ERO1A: variants seen among roughly 807,000 people sequenced by gnomAD.
The protein encoded by ERO1A is ERO1-like protein alpha.
Under a neutral mutation model 76.9 loss-of-function variants are expected in ERO1A, and 49 were observed. The ratio of observed to expected loss-of-function variants is 0.64; its 90% CI spans 0.51 to 0.81. ERO1A has a LOEUF of 0.81. ERO1A is among the 30% of genes least tolerant of loss of function. The pLI is 0.00. For missense variants in ERO1A, 448 were observed against 542.1 expected, an observed-to-expected ratio of 0.83 and a Z score of 1.72; for synonymous variants, 174 against 181.2, an observed-to-expected ratio of 0.96 and a Z score of 0.32.
intron 5 of ERO1A, 30 bp from the exon 6 acceptor site, chr14:52,671,733 T>C: frequency 6.3e-7 from 1 of 1,579,394 alleles, no homozygotes; most frequent in Non-Finnish European, 8.6e-7. Context: ...ATAACATTAT[T>C]ATTTTTAAGT....
At chr14:52,688,247 GCTTT>G (rs1352233115) in intron 1 of ERO1A, among the ~76,000 whole-genome samples, 1 of 152,032 alleles carries the variant, frequency 6.6e-6, no homozygotes, top group Non-Finnish European at 1.5e-5. Flanking sequence ...GCCTTGGAAG[GCTTT>G]CTATTACAAT....
chr14:52,650,781 G>A (rs1027181010), intron 13 of ERO1A, among the ~76,000 whole-genome samples: 1 of 152,182 alleles, frequency 6.6e-6, no homozygotes, highest in African/African-American at 2.4e-5. Flanking sequence ...CATAATGAGT[G>A]TGTAATAAAT....
chr14:52,662,480 T>G (rs1360266578), intron 8 of ERO1A, among the ~76,000 whole-genome samples: 2 of 152,190 alleles, frequency 1.3e-5, no homozygotes, highest in Non-Finnish European at 2.9e-5. Flanking sequence ...TTCAAATAAA[T>G]TTTTAAAATG....
chr14:52,652,266 C>T lies in ERO1A; in HGVS notation c.1098G>A (p.Gly366=). The part of the protein sequence containing the change: ...LHFDENSFFA[G]DKKEAHKLKE... ...TTAGTTTGTGTGCTTCTTTTTTATC[C>T]CCAGCAAAAAATGAATTCTCATCAA... is the stretch of plus-strand genomic sequence containing the variant. The change falls in exon 13 of 16, where the codon GGG becomes GGA. Residue 366 remains glycine (G), a synonymous_variant. Transcript: ENST00000395686. 3 of 1,609,070 alleles carry T rather than the reference C, an allele frequency of 1.9e-6. No homozygotes were observed. Among genetic ancestry groups the T allele is most frequent in the Non-Finnish European group, 2.6e-6 (3 of 1,176,138 alleles).
chr14:52,661,920 T>TA (rs893785022), intron 8 of ERO1A, among the ~76,000 whole-genome samples: 3 of 151,826 alleles, frequency 2.0e-5, no homozygotes, highest in South Asian at 2.1e-4. Context: ...TATATGTTTT[T>TA]AAAAAAAAGA....
Position 52,684,118 on chromosome 14 carries a change from G to GACACACACACACACAC in ERO1A, c.115-227_115-212dup, listed in dbSNP as rs60355765. Among the ~76,000 whole-genome samples the GACACACACACACACAC allele has an allele frequency of 9.9e-3, 1,331 of 134,562 alleles. 12 individuals carry two copies. Among genetic ancestry groups the GACACACACACACACAC allele is most frequent in the African/African-American group, 0.019 (721 of 37,298 alleles). The allele number at this position is 134,562 out of a possible 152,430, so 88.3% of individuals were successfully genotyped here. On this transcript the variant is annotated intron_variant, in intron 1 of 15. Coordinates refer to ENST00000395686, the MANE Select transcript of ERO1A (RefSeq NM_014584.3). ...GGAATGGAAGGTGTGCAGAGCTCAT[G>GACACACACACACACAC]ACACACACACACACACACACACACA...
chr14:52,690,125 A>C (rs899040412), intron 1 of ERO1A, among the ~76,000 whole-genome samples: 15 of 152,324 alleles, frequency 9.8e-5, no homozygotes, highest in Middle Eastern at 3.4e-3. Context: ...GTCAACTAAA[A>C]GCTGATTAAA....
rs150595815 is a variant in ERO1A, at chr14:52,687,509, A to G, written c.115-3602T>C. 3.3e-3 allele frequency among the ~76,000 whole-genome samples: 496 copies of G among 152,360 alleles called. 2 individuals are homozygous for G. Among genetic ancestry groups the G allele is most frequent in the Non-Finnish European group, 4.8e-3 (329 of 68,036 alleles). On this transcript the variant is annotated intron_variant, in intron 1 of 15. Coordinates refer to ENST00000395686, the MANE Select transcript of ERO1A (RefSeq NM_014584.3). Reference sequence around the variant, plus strand: ...ATAGACACAGAACAGGATCCGGGAAACAAAGCAAAATCCTATTACCTCAAC... The same window carrying G: ...ATAGACACAGAACAGGATCCGGGAAGCAAAGCAAAATCCTATTACCTCAAC...
In ERO1A at chr14:52,663,784, G is replaced by A. The variant is rs201842934; in HGVS notation, c.676+17C>T. 1.6e-5 allele frequency: 24 copies of A among 1,464,382 alleles called. No individual in the cohort carries two copies. The highest frequency in any genetic ancestry group is 2.8e-5 in the African/African-American group (2 of 72,330). 90.7% of individuals were successfully genotyped at this position (1,464,382 alleles called of 1,614,324 possible). A position where few individuals can be genotyped will look rare whatever the true frequency, so the allele number is the denominator to read the frequency against. On this transcript the variant is annotated intron_variant, in intron 8 of 15. Transcript: ENST00000395686. ...CCTGGCTGAGAAATAATATAACAAC[G>A]CAAATAAGTAATTTACCTTGACCAG...
In ERO1A at chr14:52,661,322, ATGTT is replaced by A; in HGVS notation, c.677-22_677-19del. On this transcript the variant is annotated intron_variant, in intron 8 of 15. Transcript: ENST00000395686. ...ACTTGTCCCTGAAAAGCAAAACAAA[ATGTT>A]TATTAAAATAAATTCCTTCCAGTGC... 7.1e-7 allele frequency: 1 copy of A among 1,402,004 alleles called. No homozygotes were observed. Among genetic ancestry groups the A allele is most frequent in the Non-Finnish European group, 9.5e-7 (1 of 1,052,928 alleles). The allele number at this position is 1,402,004 out of a possible 1,614,324, so 86.8% of individuals were successfully genotyped here.
At chr14:52,659,598 T>C (rs1356074527) in intron 9 of ERO1A, among the ~76,000 whole-genome samples, 1 of 152,088 alleles carries the variant, frequency 6.6e-6, no homozygotes, top group Non-Finnish European at 1.5e-5. Context: ...TTAAATAAAA[T>C]CATATTTGTA....
At chr14:52,681,360 G>A (rs1260366850) in intron 3 of ERO1A, among the ~76,000 whole-genome samples, 1 of 152,120 alleles carries the variant, frequency 6.6e-6, no homozygotes, top group Non-Finnish European at 1.5e-5. Context: ...TTGGGAGGCT[G>A]AGGCAGGCAG....
chr14:52,671,613 T>C lies in ERO1A; in HGVS notation c.508+17A>G. The C allele has an allele frequency of 1.9e-6, 3 of 1,568,218 alleles. No homozygotes were observed. The highest frequency in any genetic ancestry group is 1.2e-5 in the South Asian group (1 of 85,494). ...GTATAATTTTAAACACAATGCATAC[T>C]ATCAAAAATATTATACCATCAGCTT... On this transcript the variant is annotated intron_variant, in intron 6 of 15. Transcript: ENST00000395686.
chr14:52,692,029 A>G (rs2041370384), intron 1 of ERO1A, among the ~76,000 whole-genome samples: 1 of 152,236 alleles, frequency 6.6e-6, no homozygotes, highest in Admixed American at 6.5e-5. Flanking sequence ...GACCAAATTC[A>G]AAGACTCAGT....
rs183681990 is a variant in ERO1A, at chr14:52,645,428, G to A, written c.1346+726C>T. ...AGCGATTCTTCTGCCTCAGCCTCCT[G>A]AGTAGCTGGGACCACAGGCATGCTC... On this transcript the variant is annotated intron_variant, in intron 15 of 15. Transcript: ENST00000395686. 3.1e-3 allele frequency among the ~76,000 whole-genome samples: 461 copies of A among 150,296 alleles called. 4 individuals are homozygous for A. Among genetic ancestry groups the A allele is most frequent in the African/African-American group, 0.011 (440 of 40,852 alleles).
In ERO1A at chr14:52,643,384, G is replaced by A; in HGVS notation, c.*186C>T. The A allele has an allele frequency of 2.3e-6, 1 of 435,898 alleles. No homozygotes were observed. Among genetic ancestry groups the A allele is most frequent in the Non-Finnish European group, 4.0e-6 (1 of 247,354 alleles). 27.0% of individuals were successfully genotyped at this position (435,898 alleles called of 1,614,324 possible). ...TAAAGTATTACTTTTACTCACAGTA[G>A]TATTATACATAGACTTAACACAATT... On this transcript the variant is annotated 3_prime_UTR_variant, in exon 16 of 16. Coordinates refer to ENST00000395686, the MANE Select transcript of ERO1A (RefSeq NM_014584.3).
intron 4 of ERO1A, among the ~76,000 whole-genome samples, chr14:52,677,152 T>TA (rs887527961): frequency 6.6e-6 from 1 of 152,010 alleles, no homozygotes; most frequent in African/African-American, 2.4e-5. Context: ...TCTCATGTTT[T>TA]AAAAAAAATC....
In ERO1A at chr14:52,658,109, A is replaced by G. The variant is rs1051427608; in HGVS notation, c.715+15T>C. 6.6e-7 allele frequency: 1 copy of G among 1,506,026 alleles called. No individual in the cohort carries two copies. The highest frequency in any genetic ancestry group is 1.4e-5 in the African/African-American group (1 of 71,922). 93.3% of individuals were successfully genotyped at this position (1,506,026 alleles called of 1,614,324 possible). On this transcript the variant is annotated intron_variant, in intron 10 of 15. Coordinates refer to ENST00000395686, the MANE Select transcript of ERO1A (RefSeq NM_014584.3). Reference sequence around the variant, plus strand: ...AAAAACCATCATTGAAATTTATTTTAAAGTTTCTAATTACCTTCTAGCCAA... The same window carrying G: ...AAAAACCATCATTGAAATTTATTTTGAAGTTTCTAATTACCTTCTAGCCAA...
chr14:52,643,508 G>T lies in ERO1A; in HGVS notation c.*62C>A. ...AGACTGTCATTGCTATTATGCCTTT[G>T]AATGAAATTCCACTCTTTCGCCTCC... is the stretch of plus-strand genomic sequence containing the variant. On this transcript the variant is annotated 3_prime_UTR_variant, in exon 16 of 16. Coordinates refer to ENST00000395686, the MANE Select transcript of ERO1A (RefSeq NM_014584.3). The T allele has an allele frequency of 8.8e-7, 1 of 1,138,520 alleles. No homozygotes were observed. The highest frequency in any genetic ancestry group is 1.6e-5 in the South Asian group (1 of 62,052). 70.5% of individuals were successfully genotyped at this position (1,138,520 alleles called of 1,614,324 possible). A position where few individuals can be genotyped will look rare whatever the true frequency, so the allele number is the denominator to read the frequency against.
Sources: gnomAD v4.1 joint callset for allele counts (sites outside exome capture counted in the v4.1 genomes callset) on GRCh38, gnomAD v4.1.1 for gene constraint, MANE v1.5 for transcripts, NCBI Gene and HGNC (gene_info 2026-07-23, HGNC 2026-07-21) for gene names.